UBE4B: variants seen among roughly 807,000 people sequenced by gnomAD.
The protein encoded by UBE4B is ubiquitination factor E4B, also known as ubiquitin conjugation factor E4 B.
Under a neutral mutation model 148.1 loss-of-function variants are expected in UBE4B, and 27 were observed. The ratio of observed to expected loss-of-function variants is 0.18; its 90% CI spans 0.13 to 0.25. UBE4B has a LOEUF of 0.25. Among genes scored for constraint, UBE4B ranks in the 10% least tolerant of loss-of-function variants. The pLI, the probability that UBE4B is intolerant of heterozygous loss-of-function variation, is 1.00. For synonymous variants in UBE4B, 596 were observed against 619.3 expected (o/e 0.96, Z 0.56); for missense variants, 1,170 against 1,662.4 (o/e 0.70, Z 5.15).
chr1:10,111,099 T>C (rs1570910611), intron 7 of UBE4B, among the ~76,000 whole-genome samples: 1 of 135,086 alleles, frequency 7.4e-6, no homozygotes, highest in East Asian at 2.2e-4. Flanking sequence ...ACACAGTCTT[T>C]CCACCATATC....
At chr1:10,043,957 A>C (rs1643866690) in intron 1 of UBE4B, among the ~76,000 whole-genome samples, 1 of 152,222 alleles carries the variant, frequency 6.6e-6, no homozygotes, top group East Asian at 1.9e-4. Context: ...AGAGGAATGG[A>C]AACAGGAGGT....
chr1:10,129,534 A>G (rs975777119), intron 12 of UBE4B, 86 bp downstream of exon 12: 1 of 1,379,476 alleles, frequency 7.2e-7, no homozygotes, highest in Non-Finnish European at 1.0e-6. Context: ...GGCCTGGAAA[A>G]TGTCTCTTGA....
rs571542206 is a variant in UBE4B at position 10,106,459 on chromosome 1, A to G, written c.1072A>G (p.Ser358Gly). Residue 358 changes from serine (S) to glycine (G), a missense_variant, in exon 7 of 28, where the codon AGT becomes GGT. Ser to Gly is a moderately conservative substitution (Grantham distance 56). Around this residue, in one of 6 missense-constraint regions of UBE4B, gnomAD observed 214 missense variants for 209.1 expected, o/e 1.02. Coordinates refer to ENST00000343090, the MANE Select transcript of UBE4B (RefSeq NM_001105562.3). The surrounding 1 kb of genome is among the most constrained non-coding windows in gnomAD (Gnocchi z 4.2). ...CTCCCCAAGTCCCCCTGCCCTCGCC[A>G]GTAGCCCCCAAGCAGTGCCCGCCAG... ...SSSPSPPALA[S>G]SPQAVPASSS... The G allele has an allele frequency of 5.1e-5, 83 of 1,613,864 alleles. No individual in the cohort carries two copies. The East Asian group carries it at 1.4e-3, about 28-fold the overall frequency.
At chr1:10,069,327 T>C (rs1644444702) in intron 1 of UBE4B, among the ~76,000 whole-genome samples, 1 of 152,194 alleles carries the variant, frequency 6.6e-6, no homozygotes, top group Non-Finnish European at 1.5e-5. Context: ...ATTTAGAGAG[T>C]ACCTACCATG....
In UBE4B at chr1:10,119,666, C is replaced by T. The variant is rs1645379426; in HGVS notation, c.1439+53C>T. On this transcript the variant is annotated intron_variant, in intron 9 of 27. Coordinates refer to ENST00000343090, the MANE Select transcript of UBE4B (RefSeq NM_001105562.3). ...TTAGCAGGCAGAGAGCCCTAGCCGT[C>T]AGTGGACATCAGGCTCTCTGGCCAT... 3.3e-6 allele frequency: 5 copies of T among 1,513,446 alleles called. No individual in the cohort carries two copies. In the Admixed American group the frequency reaches 8.4e-5, roughly 26 times the overall value. 93.8% of individuals were successfully genotyped at this position (1,513,446 alleles called of 1,614,324 possible).
intron 14 of UBE4B, 83 bp downstream of exon 14, chr1:10,130,896 G>C: frequency 8.0e-7 from 1 of 1,243,908 alleles, no homozygotes; most frequent in South Asian, 1.2e-5. Flanking sequence ...ACTGGACTAT[G>C]CCCAGTAGAC....
intron 1 of UBE4B, among the ~76,000 whole-genome samples, chr1:10,047,432 T>G (rs1300743739): frequency 6.6e-6 from 1 of 150,442 alleles, no homozygotes; most frequent in Non-Finnish European, 1.5e-5. Flanking sequence ...GGGACTCAAG[T>G]GGGAGGAGAG....
Position 10,033,094 on chromosome 1 carries a change from T to A in UBE4B, c.-577T>A, listed in dbSNP as rs1012640367. ...CGCATCCCATCCTCCCCCTCCCCCCTACCCGGGCTCCGGCGTGGAGGCGGG... is the reference window on the plus strand; with the variant it reads ...CGCATCCCATCCTCCCCCTCCCCCCAACCCGGGCTCCGGCGTGGAGGCGGG... On this transcript the variant is annotated 5_prime_UTR_variant, in exon 1 of 28. Coordinates refer to ENST00000343090, the MANE Select transcript of UBE4B (RefSeq NM_001105562.3). The A allele has an allele frequency of 6.6e-6, 1 of 152,594 alleles. No homozygotes were observed. Among genetic ancestry groups the A allele is most frequent in the East Asian group, 1.9e-4 (1 of 5,210 alleles). The allele number at this position is 152,594 out of a possible 1,614,324, so 9.5% of individuals were successfully genotyped here. A position where few individuals can be genotyped will look rare whatever the true frequency, so the allele number is the denominator to read the frequency against.
intron 10 of UBE4B, 77 bp from the exon 11 acceptor site, chr1:10,126,717 T>G: frequency 7.8e-7 from 1 of 1,275,452 alleles, no homozygotes; most frequent in East Asian, 2.4e-5. Context: ...CATTCAGTTC[T>G]AGCACCTTAT....
intron 21 of UBE4B, among the ~76,000 whole-genome samples, 163 bp from the exon 22 acceptor site, chr1:10,158,193 G>GT: frequency 6.6e-6 from 1 of 152,230 alleles, no homozygotes; most frequent in Non-Finnish European, 1.5e-5. Context: ...TTTAAAAGCA[G>GT]CTTATAATTT....
intron 2 of UBE4B, among the ~76,000 whole-genome samples, chr1:10,077,526 C>A (rs1337557644): frequency 6.6e-6 from 1 of 152,226 alleles, no homozygotes; most frequent in Admixed American, 6.5e-5. Flanking sequence ...TGTTGCTCAT[C>A]CCCTTACCCC....
At chr1:10,102,855 A>G in intron 4 of UBE4B, 93 bp from the exon 5 acceptor site, 1 of 1,325,960 alleles carries the variant, frequency 7.5e-7, no homozygotes, top group South Asian at 1.5e-5. Context: ...ATCATCACTA[A>G]TAATGAATTA....
intron 2 of UBE4B, among the ~76,000 whole-genome samples, chr1:10,094,435 CTT>C (rs770919627): frequency 1.4e-4 from 19 of 138,670 alleles, no homozygotes; most frequent in African/African-American, 7.9e-5. Flanking sequence ...CTATCATTAA[CTT>C]TTTTTTTTTT....
intron 17 of UBE4B, among the ~76,000 whole-genome samples, chr1:10,143,062 C>A (rs149078737): frequency 6.6e-6 from 1 of 151,850 alleles, no homozygotes; most frequent in African/African-American, 2.4e-5. Flanking sequence ...GAGCTGAGAT[C>A]GTGCCACTGC....
chr1:10,082,802 C>T (rs1450812812), intron 2 of UBE4B, among the ~76,000 whole-genome samples: 1 of 150,364 alleles, frequency 6.7e-6, no homozygotes, highest in Non-Finnish European at 1.5e-5. Context: ...TGCTCTCCCT[C>T]CCCTTGACCC....
Position 10,130,803 on chromosome 1 carries a change from A to C in UBE4B, c.1901A>C (p.Glu634Ala), listed in dbSNP as rs1645580656. The change falls in exon 14 of 28, where the codon GAG becomes GCG. Residue 634 changes from glutamate (E) to alanine (A), a missense_variant. Transcript: ENST00000343090. ...AGCCAATCATTGCAGCATTACTTAGAGCTCGGAAGGGTAAGTGTTCAGAAA... is the reference window on the plus strand; with the variant it reads ...AGCCAATCATTGCAGCATTACTTAGCGCTCGGAAGGGTAAGTGTTCAGAAA... Reference protein sequence around the residue: ...VVSQSLQHYLELGRQELFKIL... With the variant: ...VVSQSLQHYLALGRQELFKIL... 6.2e-7 allele frequency: 1 copy of C among 1,614,024 alleles called. No homozygotes were observed. The highest frequency in any genetic ancestry group is 1.7e-5 in the Admixed American group (1 of 60,004).
intron 2 of UBE4B, among the ~76,000 whole-genome samples, chr1:10,077,003 C>T (rs1162962570): frequency 6.6e-6 from 1 of 152,062 alleles, no homozygotes; most frequent in Non-Finnish European, 1.5e-5. Context: ...CCTCAGCCTC[C>T]CAAAGTGTTG....
intron 22 of UBE4B, among the ~76,000 whole-genome samples, chr1:10,160,103 G>A (rs761417416): frequency 1.3e-5 from 2 of 152,136 alleles, no homozygotes; most frequent in Non-Finnish European, 2.9e-5. Context: ...TTTTCTCTAC[G>A]AATCTGGCAT....
At chr1:10,060,167 C>T (rs1391798355) in intron 1 of UBE4B, among the ~76,000 whole-genome samples, 1 of 152,162 alleles carries the variant, frequency 6.6e-6, no homozygotes, top group Non-Finnish European at 1.5e-5. Flanking sequence ...AGTCATGCAT[C>T]ACTTAATGAC....
Sources: gnomAD v4.1 joint callset for allele counts (sites outside exome capture counted in the v4.1 genomes callset) on GRCh38, gnomAD v4.1.1 for gene constraint, gnomAD v4.1.1 regional missense constraint, Gnocchi (gnomAD v3.1) non-coding constraint, MANE v1.5 for transcripts, NCBI Gene and HGNC (gene_info 2026-07-23, HGNC 2026-07-21) for gene names.